CCSER2: variants seen among roughly 807,000 people sequenced by gnomAD.
CCSER2 encodes coiled-coil serine rich protein 2.
A neutral mutation model predicts 92.3 loss-of-function variants in CCSER2; 46 were observed. That is an observed-to-expected ratio of 0.50 (90% CI 0.39 to 0.64). The LOEUF (loss-of-function observed/expected upper bound fraction) is 0.64, where lower values mean the gene tolerates loss of function less well. Ranked by LOEUF, CCSER2 falls within the 30% of genes least tolerant of loss-of-function variation. The pLI is 0.00. For synonymous variants in CCSER2, 433 were observed against 431.4 expected (o/e 1.00, Z -0.04); for missense variants, 1,244 against 1,238.9 (o/e 1.00, Z -0.06).
intron 3 of CCSER2, among the ~76,000 whole-genome samples, chr10:84,393,526 A>AG (rs1202923491): frequency 6.6e-6 from 1 of 152,104 alleles, no homozygotes; most frequent in Non-Finnish European, 1.5e-5. Flanking sequence ...GGTGTAATGC[A>AG]GGGTTCCTAC....
At chr10:84,443,100 G>A (rs1844677090) in intron 6 of CCSER2, among the ~76,000 whole-genome samples, 2 of 152,106 alleles carry the variant, frequency 1.3e-5, no homozygotes, top group Admixed American at 1.3e-4. Flanking sequence ...AAGACATCAC[G>A]ACTAAAACAC....
intron 6 of CCSER2, chr10:84,455,563 A>C (rs555809335): frequency 6.9e-6 from 3 of 435,268 alleles, no homozygotes; most frequent in South Asian, 5.9e-5. Context: ...GGCGTGAGCT[A>C]CTGCGCCCAG....
At chr10:84,383,592 G>C (rs1015917716) in intron 3 of CCSER2, among the ~76,000 whole-genome samples, 2 of 152,120 alleles carry the variant, frequency 1.3e-5, no homozygotes, top group African/African-American at 2.4e-5. Context: ...TTACAAGCGT[G>C]AGCCACCGTA....
chr10:84,473,700 T>A (rs576285747), intron 8 of CCSER2, among the ~76,000 whole-genome samples: 69 of 152,158 alleles, frequency 4.5e-4, no homozygotes, highest in South Asian at 1.2e-3. Context: ...TATTAAAAAA[T>A]TTTTTTTAAC....
At chr10:84,375,021 G>A (rs1489943901) in intron 3 of CCSER2, among the ~76,000 whole-genome samples, 2 of 152,154 alleles carry the variant, frequency 1.3e-5, no homozygotes, top group Admixed American at 6.6e-5. Context: ...GCTCAGAAAA[G>A]ATAACAGTTT....
intron 1 of CCSER2, among the ~76,000 whole-genome samples, chr10:84,363,346 C>G (rs575655788): frequency 6.6e-6 from 1 of 152,012 alleles, no homozygotes; most frequent in South Asian, 2.1e-4. Flanking sequence ...CCACAGATGA[C>G]AGCCAGGAAA....
At chr10:84,405,758 C>T (rs1842345119) in intron 3 of CCSER2, among the ~76,000 whole-genome samples, 1 of 152,166 alleles carries the variant, frequency 6.6e-6, no homozygotes, top group Non-Finnish European at 1.5e-5. Context: ...CACTGCACAC[C>T]TATTAGAAGA....
intron 5 of CCSER2, among the ~76,000 whole-genome samples, chr10:84,428,537 T>C (rs989108659): frequency 1.3e-5 from 2 of 152,156 alleles, no homozygotes; most frequent in African/African-American, 2.4e-5. Context: ...GGATTTTCTA[T>C]ATACAAGATA....
rs147146563 is a variant in CCSER2 at position 84,353,176 on chromosome 10, A to G, written c.-39-17838A>G. On this transcript the variant is annotated intron_variant, in intron 1 of 9. Coordinates refer to ENST00000372088, the MANE Select transcript of CCSER2 (RefSeq NM_001284240.2). ...ATTAGTTATCGTTAAGGGCCCTGACAGTCATGTTCTCCTCTTTTGTTTTCA... is the reference window on the plus strand; with the variant it reads ...ATTAGTTATCGTTAAGGGCCCTGACGGTCATGTTCTCCTCTTTTGTTTTCA... Among the ~76,000 whole-genome samples the G allele has an allele frequency of 8.9e-4, 136 of 152,268 alleles. 1 individual carries two copies. Among genetic ancestry groups the G allele is most frequent in the African/African-American group, 3.1e-3 (130 of 41,564 alleles).
chr10:84,502,115 G>GT (rs768277816), intron 9 of CCSER2, among the ~76,000 whole-genome samples: 20 of 148,578 alleles, frequency 1.3e-4, no homozygotes, highest in South Asian at 2.1e-4. Flanking sequence ...CTAATAAAGG[G>GT]TTTTTTTTTA....
chr10:84,333,253 A>C (rs950833766), intron 1 of CCSER2, among the ~76,000 whole-genome samples: 2 of 152,120 alleles, frequency 1.3e-5, no homozygotes, highest in African/African-American at 4.8e-5. Flanking sequence ...CCCACTGGGG[A>C]GCAGGTTACT....
chr10:84,404,443 G>T (rs11201026), intron 3 of CCSER2, among the ~76,000 whole-genome samples: 7,050 of 152,254 alleles, frequency 0.046, 235 homozygotes, highest in East Asian at 0.16. Context: ...ATACTTAAAA[G>T]TGAGTGGACA....
Position 84,328,661 on chromosome 10 carries a change from A to G in CCSER2, c.-187A>G, listed in dbSNP as rs1163238310. 1 of 150,500 alleles carries G rather than the reference A, an allele frequency of 6.6e-6. No homozygotes were observed. Among genetic ancestry groups the G allele is most frequent in the Non-Finnish European group, 1.5e-5 (1 of 67,630 alleles). 9.3% of individuals were successfully genotyped at this position (150,500 alleles called of 1,614,324 possible). ...AGTCCGGCGCTCCCTCAGGCCGCGG[A>G]CGCGATGCTGGTTGCTGCGGCTCGG... On this transcript the variant is annotated 5_prime_UTR_variant, in exon 1 of 10. Transcript: ENST00000372088.
rs1278442093 is a variant in CCSER2 at position 84,371,804 on chromosome 10, C to T, written c.752C>T (p.Thr251Ile). Residue 251 changes from threonine (T) to isoleucine (I), a missense_variant, in exon 2 of 10, where the codon ACA becomes ATA. Transcript: ENST00000372088. Reference sequence around the variant, plus strand: ...TCCTTTAATAGAGCTGTGGATCTTACAAAGCCTTATCAGAACCAACAGCTA... The same window carrying T: ...TCCTTTAATAGAGCTGTGGATCTTATAAAGCCTTATCAGAACCAACAGCTA... ...SHSFNRAVDL[T>I]KPYQNQQLSI... The T allele has an allele frequency of 6.2e-7, 1 of 1,613,710 alleles. No homozygotes were observed. The highest frequency in any genetic ancestry group is 8.5e-7 in the Non-Finnish European group (1 of 1,179,834).
At chr10:84,480,528 AAAAAATAGAATACTAAGAATACTT>A (rs1847396560) in intron 9 of CCSER2, among the ~76,000 whole-genome samples, 1 of 152,188 alleles carries the variant, frequency 6.6e-6, no homozygotes, top group African/African-American at 2.4e-5. Context: ...TAAAAGCATG[AAAAAATAGAATACTAAGAATACTT>A]TATGAGTAAC....
chr10:84,391,886 C>T (rs1235047851), intron 3 of CCSER2: 7 of 1,387,876 alleles, frequency 5.0e-6, no homozygotes, highest in African/African-American at 1.4e-5. Flanking sequence ...TTTTGTGATG[C>T]TGTTGCATCA....
chr10:84,467,400 C>T (rs1846508965), intron 7 of CCSER2, among the ~76,000 whole-genome samples: 1 of 152,192 alleles, frequency 6.6e-6, no homozygotes, highest in Non-Finnish European at 1.5e-5. Context: ...GGACACACTT[C>T]TATTGTATGT....
At chr10:84,330,883 C>T (rs1456344458) in intron 1 of CCSER2, among the ~76,000 whole-genome samples, 2 of 152,096 alleles carry the variant, frequency 1.3e-5, no homozygotes, top group Admixed American at 1.3e-4. Context: ...TTCATTGGTC[C>T]TACAACTTTA....
chr10:84,481,202 A>G (rs997809776), intron 9 of CCSER2, among the ~76,000 whole-genome samples: 2 of 152,082 alleles, frequency 1.3e-5, no homozygotes, highest in Admixed American at 6.6e-5. Flanking sequence ...GCCCCACACT[A>G]TCATTTCAGG....
Sources: allele counts gnomAD v4.1 joint callset (sites outside exome capture counted in the v4.1 genomes callset), GRCh38; gene constraint gnomAD v4.1.1; transcripts MANE v1.5; gene names NCBI Gene and HGNC (gene_info 2026-07-23, HGNC 2026-07-21).